SHISA9: variants seen among roughly 807,000 people sequenced by gnomAD.
SHISA9 encodes shisa family member 9.
A neutral mutation model predicts 38.0 loss-of-function variants in SHISA9; 13 were observed. That is an observed-to-expected ratio of 0.34 (90% CI 0.22 to 0.54). The LOEUF (loss-of-function observed/expected upper bound fraction) is 0.54. Among genes scored for constraint, SHISA9 ranks in the 20% least tolerant of loss-of-function variants. SHISA9 has a pLI of 0.91. For synonymous variants in SHISA9, 275 were observed against 242.0 expected, an observed-to-expected ratio of 1.14 and a Z score of -1.27; for missense variants, 538 against 575.8, an observed-to-expected ratio of 0.93 and a Z score of 0.67.
At chr16:13,374,786 T>G in the SHISA9 span, among the ~76,000 whole-genome samples, 1 of 152,206 alleles carries the variant, frequency 6.6e-6, no homozygotes, top group African/African-American at 2.4e-5. Flanking sequence ...CCACCAACAG[T>G]GTAGAAGTGT....
chr16:13,167,938 A>C (rs777370033), intron 2 of SHISA9, among the ~76,000 whole-genome samples: 1 of 152,150 alleles, frequency 6.6e-6, no homozygotes, highest in Non-Finnish European at 1.5e-5. Context: ...TGTTTCAAGC[A>C]GGTCTTATTA....
the SHISA9 span, among the ~76,000 whole-genome samples, chr16:13,317,523 A>G: frequency 6.6e-6 from 1 of 152,124 alleles, no homozygotes; most frequent in Non-Finnish European, 1.5e-5. Flanking sequence ...ACATATGTAT[A>G]CATGTGCCAT....
At chr16:13,522,273 G>A in the SHISA9 span, among the ~76,000 whole-genome samples, 1 of 152,188 alleles carries the variant, frequency 6.6e-6, no homozygotes, top group Non-Finnish European at 1.5e-5. Flanking sequence ...TTTTACATCA[G>A]GTAGAGGATG....
intron 2 of SHISA9, among the ~76,000 whole-genome samples, chr16:12,918,217 A>T (rs2141723375): frequency 6.6e-6 from 1 of 152,328 alleles, no homozygotes; most frequent in Non-Finnish European, 1.5e-5. Context: ...AAATGGCATC[A>T]ATTCTGACAC....
At chr16:13,116,752 C>T (rs1773109879) in intron 2 of SHISA9, among the ~76,000 whole-genome samples, 1 of 152,114 alleles carries the variant, frequency 6.6e-6, no homozygotes, top group Non-Finnish European at 1.5e-5. Flanking sequence ...ATATTGTCTA[C>T]CCTTGAGGAT....
At position 13,236,565 on chromosome 16, in the gene SHISA9, A is replaced by G. The variant is rs925818806; in HGVS notation, c.*1156A>G. ...TGTCATAAGCGTGGGTGGTGCCTTCAATGTGTTACTGTTGTTTAATGACAG... is the reference window on the plus strand; with the variant it reads ...TGTCATAAGCGTGGGTGGTGCCTTCGATGTGTTACTGTTGTTTAATGACAG... On this transcript the variant is annotated 3_prime_UTR_variant, in exon 5 of 5. Coordinates refer to ENST00000558583, the MANE Select transcript of SHISA9 (RefSeq NM_001145204.3). 1 of 152,274 alleles carries G rather than the reference A, an allele frequency of 6.6e-6. No homozygotes were observed. Among genetic ancestry groups the G allele is most frequent in the African/African-American group, 2.4e-5 (1 of 41,446 alleles). 9.4% of individuals were successfully genotyped at this position (152,274 alleles called of 1,614,324 possible).
At chr16:13,312,732 T>C in the SHISA9 span, among the ~76,000 whole-genome samples, 2 of 152,330 alleles carry the variant, frequency 1.3e-5, no homozygotes, top group South Asian at 2.1e-4. Context: ...ACAATCATAA[T>C]ATGGAATATT....
intron 2 of SHISA9, among the ~76,000 whole-genome samples, chr16:13,017,138 G>C (rs2072767380): frequency 6.6e-6 from 1 of 151,680 alleles, no homozygotes; most frequent in African/African-American, 2.4e-5. Flanking sequence ...TCCTGCTTCA[G>C]CCTTCCAAGT....
At chr16:13,166,223 C>T (rs1239037422) in intron 2 of SHISA9, among the ~76,000 whole-genome samples, 2 of 152,210 alleles carry the variant, frequency 1.3e-5, no homozygotes, top group Non-Finnish European at 2.9e-5. Flanking sequence ...CTAGCAACGT[C>T]AGACTTCTAA....
chr16:13,278,230 G>A, the SHISA9 span, among the ~76,000 whole-genome samples: 2 of 151,984 alleles, frequency 1.3e-5, no homozygotes, highest in East Asian at 1.9e-4. Context: ...ATTGACTTGC[G>A]TATGTTAAAC....
intron 2 of SHISA9, among the ~76,000 whole-genome samples, chr16:12,981,328 G>A (rs2072237156): frequency 1.3e-5 from 2 of 152,234 alleles, no homozygotes; most frequent in Non-Finnish European, 2.9e-5. Context: ...GTTCTCAGTT[G>A]GGACATAGGG....
intron 1 of SHISA9, chr16:12,910,649 A>G: frequency 1.0e-6 from 1 of 985,444 alleles, no homozygotes; most frequent in Non-Finnish European, 1.2e-6. Flanking sequence ...GTTTTAAACA[A>G]ACAATTTTGT....
chr16:13,058,604 A>G (rs979139990), intron 2 of SHISA9, among the ~76,000 whole-genome samples: 16 of 152,202 alleles, frequency 1.1e-4, no homozygotes, highest in African/African-American at 3.6e-4. Context: ...CTAGAGCCAC[A>G]AAAGTTCTCT....
In SHISA9 at chr16:13,019,839, C is replaced by CTTT. The variant is rs1567183902; in HGVS notation, c.691+103026_691+103027insTTT. On this transcript the variant is annotated intron_variant, in intron 2 of 4. Coordinates refer to ENST00000558583, the MANE Select transcript of SHISA9 (RefSeq NM_001145204.3). ...TTCTTTCTTTCTTTCTTTCTTTTTC[C>CTTT]TTCCTTCCCTCCCTCCCTCCCTCCC... Among the ~76,000 whole-genome samples, 97 of 48,512 alleles carry CTTT rather than the reference C, an allele frequency of 2.0e-3. 1 individual carries two copies. Among genetic ancestry groups the CTTT allele is most frequent in the Non-Finnish European group, 2.3e-3 (61 of 26,546 alleles). 31.8% of individuals were successfully genotyped at this position (48,512 alleles called of 152,430 possible). A position where few individuals can be genotyped will look rare whatever the true frequency, so the allele number is the denominator to read the frequency against.
At chr16:13,214,509 A>G (rs2051149380) in intron 4 of SHISA9, among the ~76,000 whole-genome samples, 1 of 152,124 alleles carries the variant, frequency 6.6e-6, no homozygotes, top group African/African-American at 2.4e-5. Context: ...CCTGGCCAGT[A>G]GAACTCTTTA....
intron 4 of SHISA9, among the ~76,000 whole-genome samples, chr16:13,225,285 T>C (rs776015052): frequency 2.8e-4 from 42 of 152,286 alleles, no homozygotes; most frequent in Non-Finnish European, 3.7e-4. Context: ...TTCTGGCCTT[T>C]GGAACTGCAA....
intron 2 of SHISA9, among the ~76,000 whole-genome samples, chr16:13,136,849 C>G (rs964600248): frequency 2.0e-5 from 3 of 151,996 alleles, no homozygotes; most frequent in Non-Finnish European, 4.4e-5. Context: ...TGACTAATGT[C>G]TCATTGAAAG....
At chr16:13,264,932 G>T in the SHISA9 span, among the ~76,000 whole-genome samples, 2 of 109,192 alleles carry the variant, frequency 1.8e-5, no homozygotes, top group African/African-American at 7.4e-5. Flanking sequence ...CCCCTCCCTC[G>T]CTCCTCCTTT....
At chr16:13,341,342 T>A in the SHISA9 span, among the ~76,000 whole-genome samples, 1 of 152,190 alleles carries the variant, frequency 6.6e-6, no homozygotes, top group African/African-American at 2.4e-5. Flanking sequence ...ACCCTCAACA[T>A]CCTTTCATTG....
Sources: allele counts gnomAD v4.1 joint callset (sites outside exome capture counted in the v4.1 genomes callset), GRCh38; gene constraint gnomAD v4.1.1; transcripts MANE v1.5; gene names NCBI Gene and HGNC (gene_info 2026-07-23, HGNC 2026-07-21).